The following SLC36A4 variants were observed in gnomAD, a reference collection of about 807,000 sequenced individuals.
SLC36A4 encodes the protein solute carrier family 36 member 4.
SLC36A4 carries 49 observed loss-of-function variants against 50.5 expected under a neutral mutation model. The ratio of observed to expected loss-of-function variants is 0.97; its 90% CI spans 0.77 to 1.23. SLC36A4 has a LOEUF of 1.23. SLC36A4 is among the 50% of genes most tolerant of loss of function. The probability of loss-of-function intolerance (pLI) is 0.00; values close to 1 mark genes in which losing one functional copy is unlikely to be tolerated. For missense variants in SLC36A4, 611 were observed against 608.4 expected (o/e 1.00, Z -0.05); for synonymous variants, 207 against 206.5 (o/e 1.00, Z -0.02).
chr11:93,182,851 T>C lies in SLC36A4; in HGVS notation c.314A>G (p.His105Arg), dbSNP rs1861796610. The C allele has an allele frequency of 1.9e-6, 3 of 1,612,794 alleles. No homozygotes were observed. The highest frequency in any genetic ancestry group is 1.3e-5 in the African/African-American group (1 of 74,840). Reference protein sequence around the residue: ...SLVFIGIISVHCMHILVRCSH... With the variant: ...SLVFIGIISVRCMHILVRCSH... ...GCAACGTACCAATATGTGCATACAG[T>C]GAACAGAAATAATTCCTATAAACAC... Residue 105 changes from histidine to arginine, a missense_variant, in exon 4 of 11, where the codon CAC (histidine) becomes CGC (arginine). Transcript: ENST00000326402.
chr11:93,168,880 T>C (rs907518800), intron 6 of SLC36A4, among the ~76,000 whole-genome samples: 1 of 152,098 alleles, frequency 6.6e-6, no homozygotes, highest in African/African-American at 2.4e-5. Flanking sequence ...GATTTACAAA[T>C]ATGATTTACA....
intron 1 of SLC36A4, among the ~76,000 whole-genome samples, chr11:93,192,682 TGA>T (rs1565242029): frequency 3.9e-5 from 6 of 152,226 alleles, no homozygotes; most frequent in Non-Finnish European, 5.9e-5. Flanking sequence ...ACTAAGTCTT[TGA>T]AATGCAGCAT....
intron 6 of SLC36A4, among the ~76,000 whole-genome samples, chr11:93,177,144 GTTCGT>G (rs1300503161): frequency 6.6e-6 from 1 of 152,130 alleles, no homozygotes; most frequent in African/African-American, 2.4e-5. Flanking sequence ...TGGAGGCTTT[GTTCGT>G]TTCTTTTTAT....
At chr11:93,148,913 G>T in intron 10 of SLC36A4, 69 bp from the exon 11 acceptor site, 1 of 1,330,344 alleles carries the variant, frequency 7.5e-7, no homozygotes, top group Non-Finnish European at 1.0e-6. Flanking sequence ...TTAACAGTAA[G>T]TATTTTCAAT....
chr11:93,152,796 T>C (rs571940456), intron 10 of SLC36A4: 1 of 152,278 alleles, frequency 6.6e-6, no homozygotes, highest in African/African-American at 2.4e-5. Flanking sequence ...ACTTTCAGAA[T>C]AGAATTGTCT....
chr11:93,169,559 C>T (rs914751584), intron 6 of SLC36A4, among the ~76,000 whole-genome samples: 27 of 152,078 alleles, frequency 1.8e-4, no homozygotes, highest in African/African-American at 3.6e-4. Context: ...ATCTACCATA[C>T]ACAATGTTTA....
Position 93,188,767 on chromosome 11 carries a change from T to C in SLC36A4, c.56-2953A>G, listed in dbSNP as rs191019185. Among the ~76,000 whole-genome samples, 33 of 152,322 alleles carry C rather than the reference T, an allele frequency of 2.2e-4. No individual in the cohort carries two copies. The East Asian group carries it at 5.8e-3, about 27-fold the overall frequency. ...CTCTATACAAAATACACTGGTACTC[T>C]TGTAAACCTATCACATTGGTTTCCT... On this transcript the variant is annotated intron_variant, in intron 1 of 10. Transcript: ENST00000326402.
intron 6 of SLC36A4, chr11:93,180,335 C>G: frequency 4.1e-6 from 4 of 985,148 alleles, no homozygotes; most frequent in Non-Finnish European, 3.6e-6. Flanking sequence ...TCTCAAAAAA[C>G]TACAGAAAAC....
In SLC36A4 at chr11:93,144,598, A is replaced by G. The variant is rs1859813882; in HGVS notation, c.*3939T>C. ...AGAGTGATTTGCTATTTCACTTATC[A>G]TAGGGCAATAAATAGCATTTCTAGC... is the stretch of plus-strand genomic sequence containing the variant. On this transcript the variant is annotated 3_prime_UTR_variant, in exon 11 of 11. Transcript: ENST00000326402. The G allele has an allele frequency of 6.6e-6, 1 of 152,074 alleles. No individual in the cohort carries two copies. The allele number at this position is 152,074 out of a possible 1,614,324, so 9.4% of individuals were successfully genotyped here.
chr11:93,185,813 A>G lies in SLC36A4; in HGVS notation c.57T>C (p.Asp19=). ...AAGAARREEL[D]MDVMRPLINE... ...TTATCAAGGGCCTCATTACATCCAT[A>G]TCTTTAAAAAAGAAAAACAAAGTAC... The change falls in exon 2 of 11, where the codon GAT becomes GAC. Residue 19 remains aspartate (D), a splice_region_variant and synonymous_variant. Transcript: ENST00000326402. The G allele has an allele frequency of 6.3e-7, 1 of 1,575,920 alleles. No individual in the cohort carries two copies. Among genetic ancestry groups the G allele is most frequent in the Non-Finnish European group, 8.5e-7 (1 of 1,170,302 alleles).
chr11:93,168,238 C>T, intron 6 of SLC36A4, 67 bp from the exon 7 acceptor site: 6 of 889,468 alleles, frequency 6.7e-6, no homozygotes, highest in Non-Finnish European at 1.0e-5. Flanking sequence ...TCATAAAACA[C>T]ATGTACAAAG....
intron 8 of SLC36A4, among the ~76,000 whole-genome samples, chr11:93,163,587 T>C (rs1369352769): frequency 6.6e-6 from 1 of 152,212 alleles, no homozygotes; most frequent in South Asian, 2.1e-4. Context: ...GGTTTATCAC[T>C]GGTGAAGTTA....
intron 9 of SLC36A4, among the ~76,000 whole-genome samples, chr11:93,155,745 T>G (rs940135796): frequency 6.6e-6 from 1 of 152,018 alleles, no homozygotes; most frequent in African/African-American, 2.4e-5. Flanking sequence ...TCACCCTCAA[T>G]AGGCCCCAGT....
intron 9 of SLC36A4, 76 bp from the exon 10 acceptor site, chr11:93,154,353 A>G: frequency 1.4e-6 from 1 of 694,938 alleles, no homozygotes; most frequent in Non-Finnish European, 2.1e-6. Context: ...TAATATTAAG[A>G]TAAATAAGAA....
At chr11:93,187,927 A>T (rs1197073299) in intron 1 of SLC36A4, among the ~76,000 whole-genome samples, 2 of 152,320 alleles carry the variant, frequency 1.3e-5, no homozygotes, top group African/African-American at 4.8e-5. Flanking sequence ...ACATTCCTGT[A>T]CTCAGTGCTA....
At position 93,168,105 on chromosome 11, in the gene SLC36A4, C is replaced by T; in HGVS notation, c.607G>A (p.Glu203Lys). 1 of 1,612,544 alleles carries T rather than the reference C, an allele frequency of 6.2e-7. No homozygotes were observed. Among genetic ancestry groups the T allele is most frequent in the Non-Finnish European group, 8.5e-7 (1 of 1,179,062 alleles). The change falls in exon 7 of 11, where the codon GAG becomes AAG. Residue 203 changes from glutamate (E) to lysine (K), a missense_variant. Physicochemically the swap from Glu to Lys is moderately conservative, Grantham distance 56 (BLOSUM62 1). Transcript: ENST00000326402. ...ATCCTTAGGTCAACACTTCTTCTCT[C>T]ACAAGGGTTTGATGAATTGGTACTA... is the stretch of plus-strand genomic sequence containing the variant. The part of the protein sequence containing the change: ...SNSTNSSNPC[E>K]RRSVDLRIYM...
chr11:93,194,357 T>C (rs1418144863), intron 1 of SLC36A4, among the ~76,000 whole-genome samples: 1 of 131,940 alleles, frequency 7.6e-6, no homozygotes. Flanking sequence ...TAAAATAACA[T>C]AATATTGTCA....
At position 93,155,218 on chromosome 11, in the gene SLC36A4, A is replaced by G. The variant is rs537984849; in HGVS notation, c.1038-941T>C. Reference sequence around the variant, plus strand: ...TAAAATTCAAAAGAAAAACCCAACCATCTTGCATTTTTTAAGTAACAAAGC... The same window carrying G: ...TAAAATTCAAAAGAAAAACCCAACCGTCTTGCATTTTTTAAGTAACAAAGC... On this transcript the variant is annotated intron_variant, in intron 9 of 10. Transcript: ENST00000326402. 12 of 152,268 alleles carry G rather than the reference A, an allele frequency of 7.9e-5. No individual in the cohort carries two copies. The South Asian group carries it at 2.5e-3, about 32-fold the overall frequency. 9.4% of individuals were successfully genotyped at this position (152,268 alleles called of 1,614,324 possible).
chr11:93,197,865 G>C lies in SLC36A4; in HGVS notation c.-33C>G, dbSNP rs1003260916. 1 of 1,527,702 alleles carries C rather than the reference G, an allele frequency of 6.5e-7. No homozygotes were observed. The highest frequency in any genetic ancestry group is 1.4e-5 in the African/African-American group (1 of 70,110). The allele number at this position is 1,527,702 out of a possible 1,614,324, so 94.6% of individuals were successfully genotyped here. A position where few individuals can be genotyped will look rare whatever the true frequency, so the allele number is the denominator to read the frequency against. ...GGGTCTCCAGGACGCCGCCGCCCGA[G>C]TGCTCACTCTCCCGCCGCTGCGTGG... On this transcript the variant is annotated 5_prime_UTR_variant, in exon 1 of 11. Transcript: ENST00000326402.
Sources: gnomAD v4.1 joint callset for allele counts (sites outside exome capture counted in the v4.1 genomes callset) on GRCh38, gnomAD v4.1.1 for gene constraint, MANE v1.5 for transcripts, NCBI Gene and HGNC (gene_info 2026-07-23, HGNC 2026-07-21) for gene names.